The following SEMA3C variants were observed in gnomAD, a reference collection of about 807,000 sequenced individuals.
SEMA3C encodes the protein semaphorin 3C.
SEMA3C carries 47 observed loss-of-function variants against 89.4 expected under a neutral mutation model. The observed-to-expected ratio is 0.53, with a 90% CI of 0.42 to 0.67. The LOEUF (loss-of-function observed/expected upper bound fraction) is 0.67, where lower values mean the gene tolerates loss of function less well. Ranked by LOEUF, SEMA3C falls within the 30% of genes least tolerant of loss-of-function variation. The pLI, the probability that SEMA3C is intolerant of heterozygous loss-of-function variation, is 0.00. For missense variants in SEMA3C, 839 were observed against 929.1 expected (o/e 0.90, Z 1.26); for synonymous variants, 310 against 320.2 (o/e 0.97, Z 0.34).
In SEMA3C at chr7:80,745,303, T is replaced by C; in HGVS notation, c.1847A>G (p.Lys616Arg). Residue 616 changes from lysine to arginine, a missense_variant, in exon 18 of 18, where the codon AAG becomes AGG. By Grantham distance (26) the Lys-to-Arg change is conservative. Coordinates refer to ENST00000265361, the MANE Select transcript of SEMA3C (RefSeq NM_006379.5). ...AGTGGCTATTATTCGTTCATTCAGC[T>C]TAACCTAAAAGAGAGACAAATTAAA... ...QKDKDRRKEV[K>R]LNERIIATSQ... 1 of 1,612,742 alleles carries C rather than the reference T, an allele frequency of 6.2e-7. No individual in the cohort carries two copies. The highest frequency in any genetic ancestry group is 8.5e-7 in the Non-Finnish European group (1 of 1,179,762).
At chr7:80,895,845 T>C (rs1197697886) in intron 2 of SEMA3C, among the ~76,000 whole-genome samples, 1 of 152,172 alleles carries the variant, frequency 6.6e-6, no homozygotes, top group Non-Finnish European at 1.5e-5. Flanking sequence ...GCAAAATTTA[T>C]TCTATAGCAA....
chr7:80,824,426 A>G (rs940777564), intron 4 of SEMA3C, among the ~76,000 whole-genome samples: 1 of 152,296 alleles, frequency 6.6e-6, no homozygotes, highest in African/African-American at 2.4e-5. Flanking sequence ...GGGTGAGTAG[A>G]TATTTCCCAG....
At chr7:80,900,235 T>C (rs1791844372) in intron 2 of SEMA3C, among the ~76,000 whole-genome samples, 1 of 152,052 alleles carries the variant, frequency 6.6e-6, no homozygotes, top group African/African-American at 2.4e-5. Flanking sequence ...CGCCTCAGCC[T>C]CCCGGGTAGC....
Position 80,744,535 on chromosome 7 carries a change from A to G in SEMA3C, c.*359T>C, listed in dbSNP as rs1787754218. The G allele has an allele frequency of 4.6e-6, 1 of 217,820 alleles. No individual in the cohort carries two copies. Among genetic ancestry groups the G allele is most frequent in the Non-Finnish European group, 9.0e-6 (1 of 111,172 alleles). The allele number at this position is 217,820 out of a possible 1,614,324, so 13.5% of individuals were successfully genotyped here. A position where few individuals can be genotyped will look rare whatever the true frequency, so the allele number is the denominator to read the frequency against. Reference sequence around the variant, plus strand: ...AAAATCACTGACAATTAGAATTCTAAAGCCCCAAAGCAGGAAAGGAATACC... The same window carrying G: ...AAAATCACTGACAATTAGAATTCTAGAGCCCCAAAGCAGGAAAGGAATACC... On this transcript the variant is annotated 3_prime_UTR_variant, in exon 18 of 18. Transcript: ENST00000265361.
Position 80,744,804 on chromosome 7 carries a change from C to A in SEMA3C, c.*90G>T. 1 of 1,444,294 alleles carries A rather than the reference C, an allele frequency of 6.9e-7. No homozygotes were observed. The highest frequency in any genetic ancestry group is 9.6e-7 in the Non-Finnish European group (1 of 1,038,800). 89.5% of individuals were successfully genotyped at this position (1,444,294 alleles called of 1,614,324 possible). A position where few individuals can be genotyped will look rare whatever the true frequency, so the allele number is the denominator to read the frequency against. ...GTAATCACCTTTTTCAGTAATTCCC[C>A]TTGGTAAAGCACAAGTTTCTTTGCT... On this transcript the variant is annotated 3_prime_UTR_variant, in exon 18 of 18. Transcript: ENST00000265361.
intron 15 of SEMA3C, among the ~76,000 whole-genome samples, chr7:80,755,853 C>T (rs978845903): frequency 2.6e-5 from 4 of 152,100 alleles, no homozygotes; most frequent in Non-Finnish European, 4.4e-5. Context: ...TTTAGGCCTC[C>T]AGCCCCATAT....
chr7:80,774,019 T>C lies in SEMA3C; in HGVS notation c.1355-8776A>G, dbSNP rs147057194. Among the ~76,000 whole-genome samples, 1,118 of 152,316 alleles carry C rather than the reference T, an allele frequency of 7.3e-3. 11 individuals are homozygous for C. The highest frequency in any genetic ancestry group is 0.012 in the Non-Finnish European group (792 of 68,024). ...AAGAAAGGCTGAGATTTTAAAAGTG[T>C]TGTATTCCAGAGGAAGACCTAATTT... On this transcript the variant is annotated intron_variant, in intron 12 of 17. Transcript: ENST00000265361.
chr7:80,851,504 T>TAA (rs35936052), intron 2 of SEMA3C, among the ~76,000 whole-genome samples: 10,200 of 69,696 alleles, frequency 0.15, 1,023 homozygotes, highest in Middle Eastern at 0.17. Flanking sequence ...CTCTTGTCTT[T>TAA]AAAAAAAAAA....
intron 17 of SEMA3C, among the ~76,000 whole-genome samples, chr7:80,746,947 G>A (rs1787816039): frequency 6.6e-6 from 1 of 151,972 alleles, no homozygotes; most frequent in Non-Finnish European, 1.5e-5. Context: ...TGAACTATTT[G>A]CCTTTGCTCT....
At position 80,794,049 on chromosome 7, in the gene SEMA3C, G is replaced by A. The variant is rs907765995; in HGVS notation, c.1131+4043C>T. On this transcript the variant is annotated intron_variant, in intron 11 of 17. Transcript: ENST00000265361. ...AAAAATTACATAGTTGAAGACTTGTGCTTATGTATTAGCTGACCCTCATCT... is the reference window on the plus strand; with the variant it reads ...AAAAATTACATAGTTGAAGACTTGTACTTATGTATTAGCTGACCCTCATCT... 6.6e-5 allele frequency among the ~76,000 whole-genome samples: 10 copies of A among 152,092 alleles called. No individual in the cohort carries two copies. In the South Asian group the frequency reaches 2.1e-3, roughly 32 times the overall value.
At chr7:80,919,317 G>C (rs1792361549), upstream of SEMA3C, 1 of 985,180 alleles carries the variant, frequency 1.0e-6, no homozygotes, top group South Asian at 4.7e-5. Flanking sequence ...GCAGGCTGGA[G>C]CCCTAGCTCC....
chr7:80,908,072 T>A (rs1792056668), intron 2 of SEMA3C, among the ~76,000 whole-genome samples: 1 of 152,116 alleles, frequency 6.6e-6, no homozygotes, highest in African/African-American at 2.4e-5. Context: ...ACTCACTAAT[T>A]CCATTAAACA....
At chr7:80,863,760 A>G in intron 2 of SEMA3C, among the ~76,000 whole-genome samples, 1 of 135,648 alleles carries the variant, frequency 7.4e-6, no homozygotes, top group South Asian at 2.3e-4. Flanking sequence ...CATCATATAT[A>G]TAGTAGTATT....
intron 2 of SEMA3C, among the ~76,000 whole-genome samples, chr7:80,914,119 T>C (rs188979137): frequency 1.3e-5 from 2 of 152,304 alleles, no homozygotes; most frequent in Admixed American, 1.3e-4. Context: ...CTAATACAAC[T>C]TGAAACTATC....
intron 12 of SEMA3C, among the ~76,000 whole-genome samples, chr7:80,783,277 C>A (rs1046423207): frequency 6.6e-6 from 1 of 152,100 alleles, no homozygotes; most frequent in African/African-American, 2.4e-5. Flanking sequence ...TTCCCTGTCT[C>A]TTCACATACC....
In SEMA3C at chr7:80,758,323, G is replaced by T; in HGVS notation, c.1643+8C>A. ...ATTTGGATGTTGAGCCGAGTGTTTA[G>T]TGCTCACCGTTTCCCAGTTGGGTAG... On this transcript the variant is annotated splice_region_variant and intron_variant, in intron 15 of 17. Transcript: ENST00000265361. The T allele has an allele frequency of 6.2e-7, 1 of 1,611,728 alleles. No individual in the cohort carries two copies. The highest frequency in any genetic ancestry group is 8.5e-7 in the Non-Finnish European group (1 of 1,178,980).
intron 12 of SEMA3C, among the ~76,000 whole-genome samples, chr7:80,788,666 T>C (rs563221548): frequency 2.2e-4 from 34 of 152,270 alleles, no homozygotes; most frequent in African/African-American, 7.9e-4. Flanking sequence ...CTGATAGAAT[T>C]TGTAGATGTA....
At chr7:80,881,160 AAG>A (rs1440851624) in intron 2 of SEMA3C, among the ~76,000 whole-genome samples, 1 of 133,948 alleles carries the variant, frequency 7.5e-6, no homozygotes, top group Non-Finnish European at 1.6e-5. Flanking sequence ...TGCCTGGAGA[AAG>A]AAACACACAC....
Position 80,837,011 on chromosome 7 carries a change from T to C in SEMA3C, c.104-8266A>G, listed in dbSNP as rs550036809. On this transcript the variant is annotated intron_variant, in intron 2 of 17. Transcript: ENST00000265361. The stretch of plus-strand genomic sequence containing the variant: ...TTTCAAAATTTTAACCCTTTCCCAT[T>C]TAGAACAAAAAGTGGAGCATGCTGT... 1.2e-3 allele frequency among the ~76,000 whole-genome samples: 188 copies of C among 152,294 alleles called. 3 individuals carry two copies. The highest frequency in any genetic ancestry group is 4.3e-3 in the African/African-American group (180 of 41,564).
Sources: allele counts gnomAD v4.1 joint callset (sites outside exome capture counted in the v4.1 genomes callset), GRCh38; gene constraint gnomAD v4.1.1; transcripts MANE v1.5; gene names NCBI Gene and HGNC (gene_info 2026-07-23, HGNC 2026-07-21).